Variants in CTNNA3 observed in about 807,000 individuals in gnomAD.
CTNNA3 encodes the protein catenin alpha 3, also known as catenin alpha-3.
In CTNNA3, 76 loss-of-function variants were observed where a neutral mutation model predicts 95.7. The ratio of observed to expected loss-of-function variants is 0.79; its 90% CI spans 0.66 to 0.96. The LOEUF (loss-of-function observed/expected upper bound fraction) is 0.96, where lower values mean the gene tolerates loss of function less well. CTNNA3 is among the 40% of genes least tolerant of loss of function. The probability of loss-of-function intolerance (pLI) is 0.00; values close to 1 mark genes in which losing one functional copy is unlikely to be tolerated. For missense variants in CTNNA3, 1,191 were observed against 1,089.8 expected, an observed-to-expected ratio of 1.09 and a Z score of -1.31; for synonymous variants, 431 against 374.4, an observed-to-expected ratio of 1.15 and a Z score of -1.74.
chr10:66,932,487 A>G (rs1320981926), intron 7 of CTNNA3, among the ~76,000 whole-genome samples: 1 of 152,114 alleles, frequency 6.6e-6, no homozygotes, highest in Non-Finnish European at 1.5e-5. Context: ...TTTGCTCTGG[A>G]TTCTCATTAG....
intron 13 of CTNNA3, among the ~76,000 whole-genome samples, chr10:66,261,018 C>A (rs1331362395): frequency 6.6e-6 from 1 of 151,998 alleles, no homozygotes; most frequent in Non-Finnish European, 1.5e-5. Flanking sequence ...TATTTGTTTT[C>A]TTTCCTATCC....
chr10:66,172,910 T>G (rs1329481192), intron 13 of CTNNA3, among the ~76,000 whole-genome samples: 1 of 152,182 alleles, frequency 6.6e-6, no homozygotes, highest in Admixed American at 6.5e-5. Flanking sequence ...TTATAATAGC[T>G]GTCTTGGGTG....
At chr10:67,489,285 G>A (rs996170610) in intron 5 of CTNNA3, among the ~76,000 whole-genome samples, 8 of 151,712 alleles carry the variant, frequency 5.3e-5, no homozygotes, top group Non-Finnish European at 1.0e-4. Flanking sequence ...TTTAATTATC[G>A]GAAATGCATT....
chr10:66,337,230 A>T (rs2092407014), intron 12 of CTNNA3, among the ~76,000 whole-genome samples: 1 of 152,142 alleles, frequency 6.6e-6, no homozygotes, highest in African/African-American at 2.4e-5. Flanking sequence ...ATATCAATAA[A>T]TTTAATCTGC....
intron 15 of CTNNA3, among the ~76,000 whole-genome samples, chr10:65,994,590 T>G (rs2133345115): frequency 6.6e-6 from 1 of 152,314 alleles, no homozygotes; most frequent in East Asian, 1.9e-4. Context: ...ATCCTTTCTT[T>G]GTATTTGACT....
intron 11 of CTNNA3, among the ~76,000 whole-genome samples, chr10:66,506,931 C>G (rs776158404): frequency 6.6e-6 from 1 of 152,010 alleles, no homozygotes; most frequent in African/African-American, 2.4e-5. Flanking sequence ...TAGATACATA[C>G]TATATTGGTC....
At chr10:66,956,117 G>T (rs1168508455) in intron 7 of CTNNA3, among the ~76,000 whole-genome samples, 1 of 151,984 alleles carries the variant, frequency 6.6e-6, no homozygotes, top group Non-Finnish European at 1.5e-5. Flanking sequence ...CAAGGAAGAA[G>T]AACCTTTTTG....
At chr10:66,765,800 C>T (rs1839823962) in intron 9 of CTNNA3, among the ~76,000 whole-genome samples, 4 of 152,068 alleles carry the variant, frequency 2.6e-5, no homozygotes, top group African/African-American at 9.7e-5. Context: ...GGACATGAGC[C>T]AGTTCACTAC....
chr10:67,562,822 A>G (rs1841574300), intron 3 of CTNNA3, among the ~76,000 whole-genome samples: 1 of 152,134 alleles, frequency 6.6e-6, no homozygotes, highest in Non-Finnish European at 1.5e-5. Context: ...TGCAAAAGTC[A>G]CAAGCATTCT....
chr10:66,477,563 C>T (rs1429577030), intron 11 of CTNNA3, among the ~76,000 whole-genome samples: 1 of 151,962 alleles, frequency 6.6e-6, no homozygotes, highest in Non-Finnish European at 1.5e-5. Context: ...CAGGAGAGTA[C>T]AGAAACACAT....
chr10:67,013,804 GC>G (rs1852484695), intron 7 of CTNNA3, among the ~76,000 whole-genome samples: 2 of 152,144 alleles, frequency 1.3e-5, no homozygotes, highest in South Asian at 4.2e-4. Context: ...CTTCTGATTT[GC>G]ATGAATTTTA....
At chr10:66,275,927 T>G (rs12266660) in intron 13 of CTNNA3, among the ~76,000 whole-genome samples, 1 of 152,020 alleles carries the variant, frequency 6.6e-6, no homozygotes, top group African/African-American at 2.4e-5. Flanking sequence ...GGAAAAGCCA[T>G]AAATCTGTTC....
chr10:66,770,507 T>C (rs116435437), intron 8 of CTNNA3, among the ~76,000 whole-genome samples: 55 of 152,344 alleles, frequency 3.6e-4, no homozygotes, highest in African/African-American at 1.2e-3. Flanking sequence ...GCATGAAAGA[T>C]GTTAGAACAA....
intron 5 of CTNNA3, among the ~76,000 whole-genome samples, chr10:67,318,112 T>C (rs575141787): frequency 6.5e-4 from 99 of 152,106 alleles, no homozygotes; most frequent in African/African-American, 2.3e-3. Context: ...GCCTATTAGG[T>C]ATTTACTACT....
At chr10:66,762,568 T>C (rs1448404308) in intron 9 of CTNNA3, among the ~76,000 whole-genome samples, 1 of 151,484 alleles carries the variant, frequency 6.6e-6, no homozygotes, top group Non-Finnish European at 1.5e-5. Context: ...GGTCTCCTCC[T>C]GTATTATTAG....
intron 12 of CTNNA3, among the ~76,000 whole-genome samples, chr10:66,365,907 T>C (rs973060718): frequency 1.3e-5 from 2 of 152,076 alleles, no homozygotes; most frequent in Non-Finnish European, 2.9e-5. Flanking sequence ...TGGAAGCAGA[T>C]TCTTTAGCCT....
intron 11 of CTNNA3, among the ~76,000 whole-genome samples, chr10:66,450,398 C>G (rs1052230025): frequency 2.0e-5 from 3 of 151,910 alleles, no homozygotes; most frequent in Non-Finnish European, 4.4e-5. Context: ...GTTCTGTTTC[C>G]CTTGTATAAT....
At chr10:67,085,079 A>T (rs910409787) in intron 7 of CTNNA3, among the ~76,000 whole-genome samples, 1 of 151,948 alleles carries the variant, frequency 6.6e-6, no homozygotes, top group African/African-American at 2.4e-5. Context: ...ATTATTTTTA[A>T]TTTTTAATTG....
At chr10:66,450,403 T>C (rs1434609455) in intron 11 of CTNNA3, among the ~76,000 whole-genome samples, 1 of 152,110 alleles carries the variant, frequency 6.6e-6, no homozygotes, top group Non-Finnish European at 1.5e-5. Context: ...GTTTCCCTTG[T>C]ATAATATAGT....
Sources: allele counts gnomAD v4.1 joint callset (sites outside exome capture counted in the v4.1 genomes callset), GRCh38; gene constraint gnomAD v4.1.1; transcripts MANE v1.5; gene names NCBI Gene and HGNC (gene_info 2026-07-23, HGNC 2026-07-21).